The following CACNA1E variants were observed in gnomAD, a reference collection of about 807,000 sequenced individuals.
The protein encoded by CACNA1E is voltage-dependent R-type calcium channel subunit alpha-1E.
CACNA1E carries 40 observed loss-of-function variants against 259.2 expected under a neutral mutation model. The ratio of observed to expected loss-of-function variants is 0.15; its 90% confidence interval spans 0.12 to 0.20. The LOEUF (loss-of-function observed/expected upper bound fraction) is 0.20. Ranked by LOEUF, CACNA1E falls within the 10% of genes least tolerant of loss-of-function variation. The pLI is 1.00. For synonymous variants in CACNA1E, 1,104 were observed against 1,138.5 expected, an observed-to-expected ratio of 0.97 and a Z score of 0.61; for missense variants, 1,874 against 3,040.1, an observed-to-expected ratio of 0.62 and a Z score of 9.02.
At chr1:181,721,907 G>A (rs1339849993) in intron 16 of CACNA1E, 32 bp downstream of exon 16, 6 of 1,373,552 alleles carry the variant, frequency 4.4e-6, no homozygotes, top group Non-Finnish European at 6.2e-6. Flanking sequence ...TCCTCAAGCT[G>A]CCTGCCTTCC....
In CACNA1E at chr1:181,781,409, A is replaced by T. The variant is rs1242109150; in HGVS notation, c.5268-18A>T. 1.4e-6 allele frequency: 2 copies of T among 1,402,262 alleles called. No homozygotes were observed. Among genetic ancestry groups the T allele is most frequent in the South Asian group, 2.4e-5 (2 of 81,796 alleles). 86.9% of individuals were successfully genotyped at this position (1,402,262 alleles called of 1,614,324 possible). A position where few individuals can be genotyped will look rare whatever the true frequency, so the allele number is the denominator to read the frequency against. ...CCGCTAACCCACCCCATCCCAACTCACCACCCTCCATGAGCAGTGGCCGCA... is the reference window on the plus strand; with the variant it reads ...CCGCTAACCCACCCCATCCCAACTCTCCACCCTCCATGAGCAGTGGCCGCA... On this transcript the variant is annotated intron_variant, in intron 38 of 47. Coordinates refer to ENST00000367573, the MANE Select transcript of CACNA1E (RefSeq NM_001205293.3).
chr1:181,618,926 T>G (rs914698685), intron 6 of CACNA1E, among the ~76,000 whole-genome samples: 2 of 152,368 alleles, frequency 1.3e-5, no homozygotes. Context: ...ACAAAAATTA[T>G]CAGTTTTTAA....
chr1:181,701,990 A>G (rs1248669181), intron 7 of CACNA1E, among the ~76,000 whole-genome samples: 2 of 152,190 alleles, frequency 1.3e-5, no homozygotes, highest in Non-Finnish European at 2.9e-5. Flanking sequence ...AAGAGCATCT[A>G]GGATGGTTCT....
chr1:181,328,345 C>T (rs1044381437), intron 1 of CACNA1E, among the ~76,000 whole-genome samples: 6 of 152,046 alleles, frequency 3.9e-5, no homozygotes, highest in Non-Finnish European at 5.9e-5. Context: ...CCTAAAGGCC[C>T]CACCTTCTAA....
intron 2 of CACNA1E, among the ~76,000 whole-genome samples, chr1:181,428,265 T>G (rs1409756158): frequency 2.0e-5 from 3 of 152,188 alleles, no homozygotes; most frequent in Non-Finnish European, 2.9e-5. Context: ...AGAGGCCCGA[T>G]GAATTAATAA....
chr1:181,712,386 T>C (rs1467418961), intron 8 of CACNA1E, among the ~76,000 whole-genome samples: 4 of 152,166 alleles, frequency 2.6e-5, no homozygotes, highest in African/African-American at 9.6e-5. Flanking sequence ...AAAAGTGAGG[T>C]CACAGAGGAA....
chr1:181,522,202 C>T (rs190403874), intron 3 of CACNA1E, among the ~76,000 whole-genome samples: 51 of 152,298 alleles, frequency 3.3e-4, no homozygotes, highest in Middle Eastern at 3.4e-3. Context: ...CAGCCCTCAA[C>T]TATAATTTTG....
At chr1:181,490,654 A>G (rs1664236498) in intron 1 of CACNA1E, among the ~76,000 whole-genome samples, 1 of 149,250 alleles carries the variant, frequency 6.7e-6, no homozygotes, top group African/African-American at 2.5e-5. Flanking sequence ...CTTTTGCTGC[A>G]TTTTTGCTGC....
intron 2 of CACNA1E, among the ~76,000 whole-genome samples, chr1:181,456,174 C>T (rs553704960): frequency 4.6e-5 from 7 of 152,208 alleles, no homozygotes; most frequent in African/African-American, 1.2e-4. Context: ...TGCATCATTG[C>T]TGATGGTACC....
chr1:181,736,763 A>G (rs1208187726), intron 22 of CACNA1E, among the ~76,000 whole-genome samples: 1 of 152,222 alleles, frequency 6.6e-6, no homozygotes, highest in South Asian at 2.1e-4. Context: ...TTTTGCCACC[A>G]AATATTCCAG....
intron 7 of CACNA1E, among the ~76,000 whole-genome samples, chr1:181,685,432 C>A (rs550297246): frequency 6.6e-6 from 1 of 152,188 alleles, no homozygotes; most frequent in South Asian, 2.1e-4. Context: ...CTATCTTCTG[C>A]CAGTAACAGT....
intron 7 of CACNA1E, among the ~76,000 whole-genome samples, chr1:181,678,435 CAAT>C (rs1649594459): frequency 6.6e-6 from 1 of 152,134 alleles, no homozygotes; most frequent in South Asian, 2.1e-4. Flanking sequence ...TATATAATAA[CAAT>C]AATGATAATA....
intron 6 of CACNA1E, among the ~76,000 whole-genome samples, chr1:181,586,600 A>T (rs1652094042): frequency 6.6e-6 from 1 of 152,160 alleles, no homozygotes; most frequent in African/African-American, 2.4e-5. Context: ...GAGGATGATC[A>T]AGTCAGTTCT....
chr1:181,379,707 A>C (rs2101989952), intron 1 of CACNA1E, among the ~76,000 whole-genome samples: 1 of 152,284 alleles, frequency 6.6e-6, no homozygotes, highest in South Asian at 2.1e-4. Context: ...CTCTACCCTT[A>C]TGATATAATC....
chr1:181,625,784 C>T (rs1027929224), intron 6 of CACNA1E, among the ~76,000 whole-genome samples: 2 of 152,204 alleles, frequency 1.3e-5, no homozygotes, highest in Admixed American at 1.3e-4. Flanking sequence ...TTCTTGCACT[C>T]ACAATTTGGC....
intron 38 of CACNA1E, among the ~76,000 whole-genome samples, chr1:181,780,327 G>A (rs556846548): frequency 2.0e-5 from 3 of 152,238 alleles, no homozygotes; most frequent in African/African-American, 4.8e-5. Context: ...ATTGTTCAGG[G>A]GTGAGTAGGA....
chr1:181,706,414 G>A (rs1025474468), intron 7 of CACNA1E, among the ~76,000 whole-genome samples: 1 of 152,100 alleles, frequency 6.6e-6, no homozygotes, highest in African/African-American at 2.4e-5. Context: ...TGAGCCTGAT[G>A]GGCATGTTAA....
chr1:181,588,516 A>C (rs1399806570), intron 6 of CACNA1E, among the ~76,000 whole-genome samples: 3 of 152,160 alleles, frequency 2.0e-5, no homozygotes, highest in Non-Finnish European at 4.4e-5. Flanking sequence ...TCCACCCTGA[A>C]GTTATTCCTA....
chr1:181,651,947 C>G (rs548867706), intron 7 of CACNA1E: 1 of 152,842 alleles, frequency 6.5e-6, no homozygotes, highest in Non-Finnish European at 1.5e-5. Context: ...TGTGGTTCCT[C>G]TCCTTAGGAA....
Sources: gnomAD v4.1 joint callset for allele counts (sites outside exome capture counted in the v4.1 genomes callset) on GRCh38, gnomAD v4.1.1 for gene constraint, MANE v1.5 for transcripts, NCBI Gene and HGNC (gene_info 2026-07-23, HGNC 2026-07-21) for gene names.